The following ABCA13 variants were observed in gnomAD, a reference collection of about 807,000 sequenced individuals.
ABCA13 encodes the protein ATP-binding cassette sub-family A member 13.
A neutral mutation model predicts 478.7 loss-of-function variants in ABCA13; 476 were observed. That is an observed-to-expected ratio of 0.99 (90% confidence interval 0.92 to 1.07). ABCA13 has a LOEUF of 1.07. Ranked by LOEUF, ABCA13 falls within the 50% of genes least tolerant of loss-of-function variation. ABCA13 has a pLI of 0.00. For missense variants in ABCA13, 6,060 were observed against 5,910.6 expected (o/e 1.03, Z -0.83); for synonymous variants, 2,252 against 2,158.9 (o/e 1.04, Z -1.20).
chr7:48,299,386 A>G (rs951280307), intron 23 of ABCA13, among the ~76,000 whole-genome samples: 8 of 152,228 alleles, frequency 5.3e-5, no homozygotes, highest in African/African-American at 1.7e-4. Flanking sequence ...CTGGGAAACC[A>G]AAATTCAAAT....
chr7:48,413,807 A>G (rs28433258), intron 41 of ABCA13, among the ~76,000 whole-genome samples: 17,594 of 152,306 alleles, frequency 0.12, 1,209 homozygotes, highest in Admixed American at 0.19. Context: ...ATGCTTTTAT[A>G]CATAGAATGT....
At chr7:48,381,431 C>T (rs1015689600) in intron 35 of ABCA13, among the ~76,000 whole-genome samples, 1 of 151,896 alleles carries the variant, frequency 6.6e-6, no homozygotes, top group African/African-American at 2.4e-5. Flanking sequence ...ACTTTTCTCT[C>T]GATTTTCTTT....
At position 48,224,708 on chromosome 7, in the gene ABCA13, C is replaced by T. The variant is rs191803087; in HGVS notation, c.469-2554C>T. Among the ~76,000 whole-genome samples the T allele has an allele frequency of 1.2e-3, 190 of 152,304 alleles. 2 individuals are homozygous for T. The highest frequency in any genetic ancestry group is 4.2e-3 in the African/African-American group (173 of 41,566). ...AGAGGAGCTTCTGCACCTCCACGAA[C>T]GTCCCTCATCTGTCTGTGTACATAT... On this transcript the variant is annotated intron_variant, in intron 5 of 61. Transcript: ENST00000435803.
intron 16 of ABCA13, among the ~76,000 whole-genome samples, chr7:48,269,330 T>A (rs1433387341): frequency 2.6e-5 from 4 of 152,244 alleles, no homozygotes; most frequent in African/African-American, 9.6e-5. Flanking sequence ...CAGATCGTAG[T>A]AAGAAGATTT....
At chr7:48,416,953 T>A (rs113213282) in intron 41 of ABCA13, among the ~76,000 whole-genome samples, 1 of 150,906 alleles carries the variant, frequency 6.6e-6, no homozygotes, top group East Asian at 2.0e-4. Flanking sequence ...TTTTTTTTTT[T>A]AAACAGGAGT....
At chr7:48,564,459 G>A (rs73094625) in intron 55 of ABCA13, among the ~76,000 whole-genome samples, 20,970 of 151,514 alleles carry the variant, frequency 0.14, 1,810 homozygotes, top group African/African-American at 0.23. Flanking sequence ...GATTCTTAGT[G>A]TATTTTGACA....
chr7:48,288,893 G>A (rs1429465384), intron 20 of ABCA13, among the ~76,000 whole-genome samples: 1 of 152,148 alleles, frequency 6.6e-6, no homozygotes, highest in Admixed American at 6.5e-5. Flanking sequence ...GGGCCCCTAG[G>A]TAGGCCTGAT....
At chr7:48,641,866 C>T (rs1795123831) in intron 59 of ABCA13, among the ~76,000 whole-genome samples, 1 of 152,122 alleles carries the variant, frequency 6.6e-6, no homozygotes, top group Non-Finnish European at 1.5e-5. Flanking sequence ...TTGGTGAAGA[C>T]ACAATGGGTT....
rs5884053 is a variant in ABCA13 at position 48,575,059 on chromosome 7, A to ATT, written c.14355-5156_14355-5155dup. On this transcript the variant is annotated intron_variant, in intron 55 of 61. Transcript: ENST00000435803. Reference sequence around the variant, plus strand: ...CTTGAAACTTGAGTTTCCAGTAGACATTTTTTTTTTGCATAACACATGTAA... The same window carrying ATT: ...CTTGAAACTTGAGTTTCCAGTAGACATTTTTTTTTTTTGCATAACACATGTAA... Among the ~76,000 whole-genome samples the ATT allele has an allele frequency of 2.0e-4, 30 of 150,428 alleles. 1 individual carries two copies. The highest frequency in any genetic ancestry group is 8.0e-4 in the Admixed American group (12 of 15,088).
chr7:48,276,399 A>T lies in ABCA13; in HGVS notation c.6733A>T (p.Met2245Leu). 1.9e-6 allele frequency: 3 copies of T among 1,559,366 alleles called. No individual in the cohort carries two copies. Among genetic ancestry groups the T allele is most frequent in the Non-Finnish European group, 2.6e-6 (3 of 1,154,376 alleles). Reference sequence around the variant, plus strand: ...TTTCATTAACCTTATCTTGAACCATATGCAGTCAGAAACTAGTAGGAAAAC... The same window carrying T: ...TTTCATTAACCTTATCTTGAACCATTTGCAGTCAGAAACTAGTAGGAAAAC... The part of the protein sequence containing the change: ...MNFINLILNH[M>L]QSETSRKTVL... Residue 2245 changes from methionine to leucine, a missense_variant, in exon 17 of 62, where the codon ATG becomes TTG. Physicochemically the swap from Met to Leu is conservative, Grantham distance 15. Transcript: ENST00000435803.
rs368237105 is a variant in ABCA13, at chr7:48,227,349, C to A, written c.556C>A (p.Pro186Thr). 1 of 1,610,256 alleles carries A rather than the reference C, an allele frequency of 6.2e-7. No individual in the cohort carries two copies. Among genetic ancestry groups the A allele is most frequent in the Non-Finnish European group, 8.5e-7 (1 of 1,178,734 alleles). Residue 186 changes from proline to threonine, a missense_variant, in exon 6 of 62, where the codon CCG becomes ACG. Pro to Thr is a conservative substitution (Grantham distance 38). This residue lies in a region of ABCA13 where 4,423 missense variants were observed against 4,309.1 expected (regional missense o/e 1.03). Coordinates refer to ENST00000435803, the MANE Select transcript of ABCA13 (RefSeq NM_152701.5). ...PHIWDFLLLL[P>T]RLHTSHDHVE... ...TATCTGGGATTTTCTACTTTTACTG[C>A]CGAGACTACACACAAGCCATGATCA...
chr7:48,492,554 G>T (rs562947971), intron 48 of ABCA13, among the ~76,000 whole-genome samples: 1 of 152,088 alleles, frequency 6.6e-6, no homozygotes, highest in Non-Finnish European at 1.5e-5. Flanking sequence ...AACTTGGTCC[G>T]CAGTGTAACA....
intron 25 of ABCA13, among the ~76,000 whole-genome samples, chr7:48,313,602 A>C (rs1802095317): frequency 6.6e-6 from 1 of 152,254 alleles, no homozygotes; most frequent in Non-Finnish European, 1.5e-5. Flanking sequence ...ATATTTACTT[A>C]TAAATAATTG....
At chr7:48,538,845 C>G (rs1324339303) in intron 55 of ABCA13, among the ~76,000 whole-genome samples, 2 of 152,160 alleles carry the variant, frequency 1.3e-5, no homozygotes, top group African/African-American at 4.8e-5. Flanking sequence ...TTAAGTTACT[C>G]AATTCACAGG....
At chr7:48,554,822 TTTA>T (rs58085063) in intron 55 of ABCA13, among the ~76,000 whole-genome samples, 18 of 147,378 alleles carry the variant, frequency 1.2e-4, no homozygotes, top group East Asian at 3.9e-4. Context: ...ATTATTATTA[TTTA>T]TTATTATTAT....
chr7:48,565,391 AT>A, intron 55 of ABCA13, among the ~76,000 whole-genome samples: 1 of 152,236 alleles, frequency 6.6e-6, no homozygotes, highest in South Asian at 2.1e-4. Flanking sequence ...AATAAAATGA[AT>A]AAAAATCATT....
intron 13 of ABCA13, among the ~76,000 whole-genome samples, chr7:48,247,235 T>TA (rs1473659829): frequency 6.6e-6 from 1 of 151,712 alleles, no homozygotes. Context: ...GAGACCCTAT[T>TA]AAAAAAATAA....
At chr7:48,238,947 C>T (rs1296587545) in intron 8 of ABCA13, among the ~76,000 whole-genome samples, 2 of 152,186 alleles carry the variant, frequency 1.3e-5, no homozygotes, top group Non-Finnish European at 2.9e-5. Flanking sequence ...TGGGCTGACC[C>T]ATGTTCACTT....
chr7:48,351,603 A>G (rs1195101442), intron 30 of ABCA13, among the ~76,000 whole-genome samples: 3 of 152,140 alleles, frequency 2.0e-5, no homozygotes, highest in Non-Finnish European at 4.4e-5. Flanking sequence ...AGACACCTTC[A>G]TATTGAGTTA....
Sources: allele counts gnomAD v4.1 joint callset (sites outside exome capture counted in the v4.1 genomes callset), GRCh38; gene constraint gnomAD v4.1.1; regional missense constraint gnomAD v4.1.1; transcripts MANE v1.5; gene names NCBI Gene and HGNC (gene_info 2026-07-23, HGNC 2026-07-21).